ZFP64: variants seen among roughly 807,000 people sequenced by gnomAD.
ZFP64 encodes ZFP64 zinc finger protein, also known as zinc finger protein 64.
A neutral mutation model predicts 51.6 loss-of-function variants in ZFP64; 14 were observed. The ratio of observed to expected loss-of-function variants is 0.27; its 90% CI spans 0.18 to 0.42. The LOEUF (loss-of-function observed/expected upper bound fraction) is 0.42, where lower values mean the gene tolerates loss of function less well. Ranked by LOEUF, ZFP64 falls within the 10% of genes least tolerant of loss-of-function variation. The pLI is 1.00. For missense variants in ZFP64, 754 were observed against 906.8 expected (o/e 0.83, Z 2.16); for synonymous variants, 375 against 361.4 (o/e 1.04, Z -0.43).
At chr20:52,188,375 T>G (rs1345276185) in intron 1 of ZFP64, among the ~76,000 whole-genome samples, 4 of 140,262 alleles carry the variant, frequency 2.9e-5, no homozygotes, top group Non-Finnish European at 6.1e-5. Flanking sequence ...AGTGCAGTGG[T>G]GCGATCTCGG....
intron 5 of ZFP64, among the ~76,000 whole-genome samples, chr20:52,105,851 T>A (rs1306079339): frequency 6.6e-6 from 1 of 151,978 alleles, no homozygotes. Context: ...GATGTTTTTT[T>A]AAAAAAGCCG....
chr20:52,126,819 C>T (rs1441453400), intron 5 of ZFP64, among the ~76,000 whole-genome samples: 2 of 151,980 alleles, frequency 1.3e-5, no homozygotes, highest in African/African-American at 4.8e-5. Context: ...GAAAATGGTG[C>T]CTTTAATGAA....
chr20:52,122,851 C>G (rs1979260705), intron 5 of ZFP64, among the ~76,000 whole-genome samples: 2 of 152,160 alleles, frequency 1.3e-5, no homozygotes, highest in Admixed American at 1.3e-4. Flanking sequence ...TTGCTACTTA[C>G]AGCTGAGCAA....
intron 8 of ZFP64, among the ~76,000 whole-genome samples, chr20:52,086,495 T>G (rs918630859): frequency 1.9e-4 from 25 of 132,644 alleles, no homozygotes; most frequent in African/African-American, 7.1e-4. Context: ...TTTTTTTTTT[T>G]GATACAGAGT....
At position 52,160,116 on chromosome 20, in the gene ZFP64, G is replaced by A; in HGVS notation, c.763+7C>T. The A allele has an allele frequency of 6.2e-7, 1 of 1,614,234 alleles. No individual in the cohort carries two copies. The highest frequency in any genetic ancestry group is 8.5e-7 in the Non-Finnish European group (1 of 1,180,052). ...AGCGTAGAGAGCAAATAACAGGCAGGACTCACCCGTGTGGGATCGCAGGTG... is the reference window on the plus strand; with the variant it reads ...AGCGTAGAGAGCAAATAACAGGCAGAACTCACCCGTGTGGGATCGCAGGTG... On this transcript the variant is annotated splice_region_variant and intron_variant, in intron 5 of 5. Coordinates refer to ENST00000216923, the MANE Select transcript of ZFP64 (RefSeq NM_018197.3). The surrounding 1 kb of genome is among the most constrained non-coding windows in gnomAD (Gnocchi z 4.2).
intron 2 of ZFP64, among the ~76,000 whole-genome samples, chr20:52,183,072 G>A (rs1722446257): frequency 6.6e-6 from 1 of 152,144 alleles, no homozygotes; most frequent in Non-Finnish European, 1.5e-5. Context: ...TGCAGGCAAG[G>A]TCTGAGCCTG....
At chr20:52,112,450 G>T (rs890914976) in intron 5 of ZFP64, among the ~76,000 whole-genome samples, 5 of 152,168 alleles carry the variant, frequency 3.3e-5, no homozygotes, top group African/African-American at 1.2e-4. Context: ...ACCCTTCTGA[G>T]TTGCAGAATT....
Position 52,191,588 on chromosome 20 carries a change from T to TA in ZFP64, c.46+2dup. 6.3e-7 allele frequency: 1 copy of TA among 1,579,922 alleles called. No individual in the cohort carries two copies. The highest frequency in any genetic ancestry group is 8.6e-7 in the Non-Finnish European group (1 of 1,166,446). On this transcript the variant is annotated splice_region_variant and intron_variant, in intron 1 of 5. Transcript: ENST00000216923. The surrounding 1 kb of genome is among the most constrained non-coding windows in gnomAD (Gnocchi z 4.3). Reference sequence around the variant, plus strand: ...CGCGCACTGCTCCCGGAAAAGCACTTACTTTGCACCGAGCCCGCGAAGCTC... The same window carrying TA: ...CGCGCACTGCTCCCGGAAAAGCACTTAACTTTGCACCGAGCCCGCGAAGCTC...
At chr20:52,188,471 C>G (rs993271412) in intron 1 of ZFP64, among the ~76,000 whole-genome samples, 1 of 150,774 alleles carries the variant, frequency 6.6e-6, no homozygotes, top group Admixed American at 6.6e-5. Flanking sequence ...CCCGCCACTA[C>G]GCTCGACTAA....
intron 7 of ZFP64, among the ~76,000 whole-genome samples, chr20:52,095,375 G>A: frequency 6.6e-6 from 1 of 152,174 alleles, no homozygotes; most frequent in East Asian, 1.9e-4. Flanking sequence ...CAAAGCAACA[G>A]CCTGGGTCCC....
intron 2 of ZFP64, chr20:52,175,857 C>CCCCCCCG: frequency 2.7e-6 from 1 of 376,070 alleles, no homozygotes; most frequent in Non-Finnish European, 3.6e-6. Flanking sequence ...CCCGCACCCC[C>CCCCCCCG]GCTGCCGCCC....
At chr20:52,112,082 C>CAAAAAAAAAAA (rs375422075) in intron 5 of ZFP64, among the ~76,000 whole-genome samples, 21 of 78,272 alleles carry the variant, frequency 2.7e-4, no homozygotes, top group East Asian at 1.1e-3. Flanking sequence ...ACTCTATCTC[C>CAAAAAAAAAAA]AAAAAAAAAA....
At chr20:52,126,184 C>A (rs2122866666) in intron 5 of ZFP64, among the ~76,000 whole-genome samples, 1 of 152,294 alleles carries the variant, frequency 6.6e-6, no homozygotes, top group African/African-American at 2.4e-5. Flanking sequence ...AGGCATGAAC[C>A]AGCGTGCCCG....
rs1006634730 is a variant in ZFP64, at chr20:52,160,728, A to G, written c.512-354T>C. Reference sequence around the variant, plus strand: ...CACTCTCTCCTTTTTCCTTTTCACAACAGAGATGCACCGTAAAATTTAGAA... The same window carrying G: ...CACTCTCTCCTTTTTCCTTTTCACAGCAGAGATGCACCGTAAAATTTAGAA... On this transcript the variant is annotated intron_variant, in intron 4 of 5. Coordinates refer to ENST00000216923, the MANE Select transcript of ZFP64 (RefSeq NM_018197.3). The surrounding 1 kb of genome is among the most constrained non-coding windows in gnomAD (Gnocchi z 4.2). Among the ~76,000 whole-genome samples the G allele has an allele frequency of 1.3e-5, 2 of 152,128 alleles. No individual in the cohort carries two copies. Among genetic ancestry groups the G allele is most frequent in the Admixed American group, 6.5e-5 (1 of 15,280 alleles).
intron 2 of ZFP64, among the ~76,000 whole-genome samples, chr20:52,166,758 C>T (rs1378761769): frequency 1.3e-5 from 2 of 152,120 alleles, no homozygotes; most frequent in Admixed American, 1.3e-4. Flanking sequence ...CTTAAATAAA[C>T]AAGAAATGTC....
Position 52,085,379 on chromosome 20 carries a change from AAACCC to A in ZFP64, c.1229-118_1229-114del. On this transcript the variant is annotated intron_variant, in intron 8 of 8. Transcript: ENST00000361387. This position sits in a 1 kb window ranked among gnomAD's most constrained non-coding sequence, Gnocchi z 4.3. ...GAGATGGTTGGGTTTTGTGAACTCT[AAACCC>A]AACCTCCTAATGACAACACTTGTTG... The A allele has an allele frequency of 9.0e-7, 1 of 1,108,522 alleles. No individual in the cohort carries two copies. The highest frequency in any genetic ancestry group is 1.3e-6 in the Non-Finnish European group (1 of 788,808). The allele number at this position is 1,108,522 out of a possible 1,614,324, so 68.7% of individuals were successfully genotyped here.
At chr20:52,103,917 G>A (rs2079080909) in intron 5 of ZFP64, among the ~76,000 whole-genome samples, 2 of 152,324 alleles carry the variant, frequency 1.3e-5, no homozygotes, top group South Asian at 4.1e-4. Context: ...ACCACCTCGG[G>A]AAGTTGTGGT....
intron 3 of ZFP64, chr20:52,165,446 A>G (rs545364356): frequency 4.4e-6 from 2 of 458,272 alleles, no homozygotes; most frequent in African/African-American, 4.0e-5. Flanking sequence ...TAAAATGGTA[A>G]CATTTGGGGA....
At chr20:52,129,516 A>G (rs1979619714) in intron 5 of ZFP64, among the ~76,000 whole-genome samples, 1 of 151,988 alleles carries the variant, frequency 6.6e-6, no homozygotes. Flanking sequence ...AATTACAAAT[A>G]CCCTCTGTCT....
Sources: allele counts gnomAD v4.1 joint callset (sites outside exome capture counted in the v4.1 genomes callset), GRCh38; gene constraint gnomAD v4.1.1; non-coding constraint Gnocchi (gnomAD v3.1); transcripts MANE v1.5; gene names NCBI Gene and HGNC (gene_info 2026-07-23, HGNC 2026-07-21).